Variants in SLC35B1 observed in about 807,000 individuals in gnomAD.
SLC35B1 encodes solute carrier family 35 member B1.
SLC35B1 carries 27 observed loss-of-function variants against 36.6 expected under a neutral mutation model. The ratio of observed to expected loss-of-function variants is 0.74; its 90% confidence interval spans 0.54 to 1.02. The LOEUF (loss-of-function observed/expected upper bound fraction) is 1.02, where lower values mean the gene tolerates loss of function less well. Among genes scored for constraint, SLC35B1 ranks in the 50% least tolerant of loss-of-function variants. The pLI is 0.00. For synonymous variants in SLC35B1, 162 were observed against 152.5 expected (o/e 1.06, Z -0.46); for missense variants, 321 against 383.2 (o/e 0.84, Z 1.35).
Position 49,707,874 on chromosome 17 carries a change from G to T in SLC35B1, c.-41C>A, listed in dbSNP as rs545741629. 1.9e-6 allele frequency: 3 copies of T among 1,608,134 alleles called. No homozygotes were observed. The highest frequency in any genetic ancestry group is 1.1e-5 in the South Asian group (1 of 90,674). ...GCCGACTGGAGACCCGCTCACAACC[G>T]GCACCGGCAGCAGCGGCGGCGGAGG... On this transcript the variant is annotated 5_prime_UTR_variant, in exon 1 of 9. Coordinates refer to ENST00000240333, the MANE Select transcript of SLC35B1 (RefSeq NM_005827.4).
chr17:49,703,514 G>A, intron 6 of SLC35B1: 1 of 479,676 alleles, frequency 2.1e-6, no homozygotes, highest in East Asian at 4.0e-5. Context: ...AGAATTTTGT[G>A]AGAAAGGCTT....
In SLC35B1 at chr17:49,707,017, G is replaced by A; in HGVS notation, c.156C>T (p.Ala52=). 2 of 1,614,008 alleles carry A rather than the reference G, an allele frequency of 1.2e-6. No individual in the cohort carries two copies. The highest frequency in any genetic ancestry group is 8.5e-7 in the Non-Finnish European group (1 of 1,179,980). ...CACATTGAATGAAGACCAAAGTTAA[G>A]GCAAAGGTGAACGTCTCCTGCTTGG... The part of the protein sequence containing the change: ...EGAKQETFTF[A]LTLVFIQCVI... Residue 52 remains alanine (A), a synonymous_variant, in exon 2 of 9, where the codon GCC becomes GCT. Coordinates refer to ENST00000240333, the MANE Select transcript of SLC35B1 (RefSeq NM_005827.4).
rs2073389057 is a variant in SLC35B1 at position 49,704,348 on chromosome 17, A to C, written c.529-122T>G. 2.4e-6 allele frequency: 3 copies of C among 1,250,054 alleles called. No individual in the cohort carries two copies. The South Asian group carries it at 4.4e-5, about 18-fold the overall frequency. The allele number at this position is 1,250,054 out of a possible 1,614,324, so 77.4% of individuals were successfully genotyped here. ...CACTGCCTTTAAAGTCCTCAGAACA[A>C]AACGTTGCCATTTGGTCACAGGTGG... On this transcript the variant is annotated intron_variant, in intron 5 of 8. Transcript: ENST00000240333.
At chr17:49,704,365 C>T in intron 5 of SLC35B1, 139 bp from the exon 6 acceptor site, 1 of 1,099,508 alleles carries the variant, frequency 9.1e-7, no homozygotes, top group Non-Finnish European at 1.3e-6. Context: ...GCCATTTGGT[C>T]ACAGGTGGAA....
At chr17:49,707,625 G>T in intron 1 of SLC35B1, 105 bp downstream of exon 1, 1 of 1,457,466 alleles carries the variant, frequency 6.9e-7, no homozygotes, top group Non-Finnish European at 9.3e-7. Context: ...GAGGGCGACA[G>T]CCGGGCAGGA....
upstream of SLC35B1, chr17:49,708,132 C>T: frequency 1.4e-6 from 1 of 701,116 alleles, no homozygotes; most frequent in Non-Finnish European, 2.6e-6. Flanking sequence ...GATCCCTCGC[C>T]CTGGAGATTT....
chr17:49,706,006 C>T, intron 3 of SLC35B1, 110 bp from the exon 4 acceptor site: 1 of 1,330,280 alleles, frequency 7.5e-7, no homozygotes, highest in African/African-American at 1.4e-5. Flanking sequence ...CCAGAGACCT[C>T]AGCCTCAGAA....
rs958886925 is a variant in SLC35B1, at chr17:49,701,504, C to G, written c.923G>C (p.Gly308Ala). The G allele has an allele frequency of 6.2e-7, 1 of 1,613,600 alleles. No homozygotes were observed. Among genetic ancestry groups the G allele is most frequent in the Non-Finnish European group, 8.5e-7 (1 of 1,179,766 alleles). ...TCCTTTCCCAAACTTGGCATCAAGA[C>G]CAAGACCTATGAAAAGGAAGAAAAT... Reference protein sequence around the residue: ...VGTVLVFLGLGLDAKFGKGAK... With the variant: ...VGTVLVFLGLALDAKFGKGAK... Residue 308 changes from glycine to alanine, a missense_variant, in exon 9 of 9, where the codon GGT becomes GCT. By Grantham distance (60) the Gly-to-Ala change is moderately conservative (BLOSUM62 0). Transcript: ENST00000240333.
chr17:49,706,265 G>A lies in SLC35B1; in HGVS notation c.278C>T (p.Ser93Phe). The change falls in exon 3 of 9, where the codon TCC (serine) becomes TTC (phenylalanine). Residue 93 changes from serine to phenylalanine, a missense_variant. Coordinates refer to ENST00000240333, the MANE Select transcript of SLC35B1 (RefSeq NM_005827.4). The stretch of plus-strand genomic sequence containing the variant: ...GCTGGAGACCATGGCACCCAGATAG[G>A]AGATAGAACAGGCAGCATAGAGCCA... ...RSWLYAACSI[S>F]YLGAMVSSNS... is the part of the protein sequence containing the mutation. The A allele has an allele frequency of 6.2e-7, 1 of 1,603,410 alleles. No individual in the cohort carries two copies. Among genetic ancestry groups the A allele is most frequent in the Admixed American group, 1.7e-5 (1 of 58,504 alleles).
chr17:49,705,526 G>A (rs2073404852), intron 4 of SLC35B1: 1 of 590,354 alleles, frequency 1.7e-6, no homozygotes, highest in African/African-American at 1.9e-5. Flanking sequence ...CAGGACAAGG[G>A]TAGGGAACAG....
chr17:49,703,375 CAG>C (rs377339180), intron 6 of SLC35B1, 81 bp from the exon 7 acceptor site: 11 of 576,270 alleles, frequency 1.9e-5, no homozygotes, highest in Non-Finnish European at 3.3e-5. Flanking sequence ...CACACACACA[CAG>C]ACACTCCTGC....
intron 5 of SLC35B1, 42 bp from the exon 6 acceptor site, chr17:49,704,268 G>C (rs2073388013): frequency 2.5e-6 from 4 of 1,604,692 alleles, no homozygotes; most frequent in Middle Eastern, 2.2e-4. Context: ...GTGGCCAACA[G>C]GGCCCTTTCC....
rs1184262867 is a variant in SLC35B1 at position 49,701,222 on chromosome 17, TTCCC to T, written c.*232_*235del. The T allele has an allele frequency of 2.2e-6, 1 of 454,994 alleles. No homozygotes were observed. Among genetic ancestry groups the T allele is most frequent in the African/African-American group, 2.0e-5 (1 of 51,068 alleles). The allele number at this position is 454,994 out of a possible 1,614,324, so 28.2% of individuals were successfully genotyped here. Reference sequence around the variant, plus strand: ...GGTAATGAACATCCAGCTCTGCCTCTTCCCTCCCTCTTTTATTTACCATAGACTG... The same window carrying T: ...GGTAATGAACATCCAGCTCTGCCTCTTCCCTCTTTTATTTACCATAGACTG... On this transcript the variant is annotated 3_prime_UTR_variant, in exon 9 of 9. Coordinates refer to ENST00000240333, the MANE Select transcript of SLC35B1 (RefSeq NM_005827.4).
intron 6 of SLC35B1, 51 bp downstream of exon 6, chr17:49,704,049 G>C: frequency 6.2e-7 from 1 of 1,612,216 alleles, no homozygotes; most frequent in African/African-American, 1.3e-5. Context: ...AAGGATGAGG[G>C]CAGCCTGCCC....
intron 7 of SLC35B1, 53 bp from the exon 8 acceptor site, chr17:49,703,064 T>G: frequency 1.9e-6 from 3 of 1,609,584 alleles, no homozygotes; most frequent in Non-Finnish European, 2.5e-6. Flanking sequence ...CTGCCATTGG[T>G]CTAAAGTCTA....
intron 5 of SLC35B1, among the ~76,000 whole-genome samples, chr17:49,704,906 T>C (rs534206499): frequency 6.6e-6 from 1 of 152,298 alleles, no homozygotes; most frequent in South Asian, 2.1e-4. Flanking sequence ...CCCTCAGAGT[T>C]ATCTCTTCTC....
chr17:49,702,893 G>A lies in SLC35B1; in HGVS notation c.881C>T (p.Pro294Leu). 6.2e-7 allele frequency: 1 copy of A among 1,614,148 alleles called. No homozygotes were observed. Among genetic ancestry groups the A allele is most frequent in the Non-Finnish European group, 8.5e-7 (1 of 1,180,034 alleles). ...AAGCACAGTGCCCACCCACTGCATG[G>A]GGCTGATGGGATTGGCGAAGAGGAT... ...SVILFANPIS[P>L]MQWVGTVLVF... is the part of the protein sequence containing the mutation. The change falls in exon 8 of 9, where the codon CCC becomes CTC. Residue 294 changes from proline (P) to leucine (L), a missense_variant. Coordinates refer to ENST00000240333, the MANE Select transcript of SLC35B1 (RefSeq NM_005827.4).
chr17:49,704,728 A>C (rs2073394800), intron 5 of SLC35B1, among the ~76,000 whole-genome samples: 2 of 152,238 alleles, frequency 1.3e-5, no homozygotes, highest in African/African-American at 4.8e-5. Context: ...AAATTAGTCA[A>C]TTAACATGTA....
chr17:49,705,103 T>G, intron 5 of SLC35B1, 21 bp downstream of exon 5: 1 of 1,613,198 alleles, frequency 6.2e-7, no homozygotes, highest in Non-Finnish European at 8.5e-7. Context: ...AAAGGGTGCC[T>G]TCCCCAACAG....
Sources: gnomAD v4.1 joint callset for allele counts (sites outside exome capture counted in the v4.1 genomes callset) on GRCh38, gnomAD v4.1.1 for gene constraint, MANE v1.5 for transcripts, NCBI Gene and HGNC (gene_info 2026-07-23, HGNC 2026-07-21) for gene names.